The following RAB22A variants were observed in gnomAD, a reference collection of about 807,000 sequenced individuals.
The protein encoded by RAB22A is RAB22A, member RAS oncogene family.
RAB22A carries 13 observed loss-of-function variants against 30.2 expected under a neutral mutation model. The observed-to-expected ratio is 0.43, with a 90% CI of 0.28 to 0.68. The LOEUF (loss-of-function observed/expected upper bound fraction) is 0.68, where lower values mean the gene tolerates loss of function less well. Among genes scored for constraint, RAB22A ranks in the 30% least tolerant of loss-of-function variants. The probability of loss-of-function intolerance (pLI) is 0.18; values close to 1 mark genes in which losing one functional copy is unlikely to be tolerated. For missense variants in RAB22A, 177 were observed against 246.8 expected (o/e 0.72, Z 1.89); for synonymous variants, 89 against 87.2 (o/e 1.02, Z -0.11).
chr20:58,359,243 G>C (rs753806424), intron 6 of RAB22A, among the ~76,000 whole-genome samples: 1 of 152,112 alleles, frequency 6.6e-6, no homozygotes, highest in East Asian at 1.9e-4. Context: ...ATTAAAAAAC[G>C]TTTACTAAGT....
At chr20:58,353,783 T>C (rs1987091613) in intron 5 of RAB22A, among the ~76,000 whole-genome samples, 1 of 152,220 alleles carries the variant, frequency 6.6e-6, no homozygotes, top group Admixed American at 6.5e-5. Flanking sequence ...TCCAACATTA[T>C]CTGAGATCAG....
rs776367959 is a variant in RAB22A at position 58,359,674 on chromosome 20, C to A, written c.556C>A (p.Pro186Thr). The A allele has an allele frequency of 1.9e-6, 3 of 1,611,998 alleles. No homozygotes were observed. The highest frequency in any genetic ancestry group is 2.5e-6 in the Non-Finnish European group (3 of 1,178,310). Residue 186 changes from proline (P) to threonine (T), a missense_variant, in exon 7 of 7, where the codon CCT becomes ACT. By Grantham distance (38) the Pro-to-Thr change is conservative (BLOSUM62 -1). Transcript: ENST00000244040. ...TAAGGGCTTCAAACTCCGAAGACAG[C>A]CTTCAGAGCCAAAGCGGAGCTGCTG... is the stretch of plus-strand genomic sequence containing the variant. ...GGKGFKLRRQPSEPKRSCC is the reference protein window; with the variant it reads ...GGKGFKLRRQTSEPKRSCC
chr20:58,329,665 G>C lies in RAB22A; in HGVS notation c.117-14053G>C, dbSNP rs891732982. On this transcript the variant is annotated intron_variant, in intron 2 of 6. Transcript: ENST00000244040. ...AATTTGGGACATTTGCATCCAAATTGTTTTAAGTATCTGTTTTGCACCATT... is the reference window on the plus strand; with the variant it reads ...AATTTGGGACATTTGCATCCAAATTCTTTTAAGTATCTGTTTTGCACCATT... 2.6e-5 allele frequency among the ~76,000 whole-genome samples: 4 copies of C among 152,140 alleles called. No homozygotes were observed. In the South Asian group the frequency reaches 8.3e-4, roughly 31 times the overall value.
Position 58,359,646 on chromosome 20 carries a change from C to A in RAB22A, c.528C>A (p.Gly176=), listed in dbSNP as rs758247390. 5 of 1,612,698 alleles carry A rather than the reference C, an allele frequency of 3.1e-6. No individual in the cohort carries two copies. Among genetic ancestry groups the A allele is most frequent in the Non-Finnish European group, 3.4e-6 (4 of 1,178,914 alleles). Residue 176 remains glycine, a synonymous_variant, in exon 7 of 7, where the codon GGC becomes GGA. Coordinates refer to ENST00000244040, the MANE Select transcript of RAB22A (RefSeq NM_020673.3). ...CCACTGACGCCAACCTGCCATCTGG[C>A]GGTAAGGGCTTCAAACTCCGAAGAC... ...IPSTDANLPS[G]GKGFKLRRQP...
At chr20:58,339,210 A>G (rs902094993) in intron 2 of RAB22A, among the ~76,000 whole-genome samples, 1 of 152,266 alleles carries the variant, frequency 6.6e-6, no homozygotes, top group Non-Finnish European at 1.5e-5. Flanking sequence ...ATGGAGAAGT[A>G]TATGAAAAGC....
At chr20:58,323,001 C>T (rs745665084) in intron 2 of RAB22A, among the ~76,000 whole-genome samples, 4 of 152,142 alleles carry the variant, frequency 2.6e-5, no homozygotes, top group Non-Finnish European at 4.4e-5. Context: ...CACACCAACA[C>T]GCTAATCCCT....
chr20:58,333,633 C>A (rs1298626465), intron 2 of RAB22A, among the ~76,000 whole-genome samples: 1 of 152,122 alleles, frequency 6.6e-6, no homozygotes, highest in Non-Finnish European at 1.5e-5. Context: ...CAGAGTCTTA[C>A]ATTGTTCATG....
chr20:58,310,041 GC>G, intron 1 of RAB22A, 29 bp downstream of exon 1: 1 of 1,263,574 alleles, frequency 7.9e-7, no homozygotes, highest in South Asian at 3.5e-5. Flanking sequence ...GGCCGGGAGG[GC>G]CACGGGAGGC....
chr20:58,365,115 C>G lies in RAB22A; in HGVS notation c.*5412C>G, dbSNP rs1436311344. 1 of 152,180 alleles carries G rather than the reference C, an allele frequency of 6.6e-6. No individual in the cohort carries two copies. The highest frequency in any genetic ancestry group is 1.9e-4 in the East Asian group (1 of 5,198). 9.4% of individuals were successfully genotyped at this position (152,180 alleles called of 1,614,324 possible). A position where few individuals can be genotyped will look rare whatever the true frequency, so the allele number is the denominator to read the frequency against. ...TAATATTATAACAAACAAAACATGC[C>G]AGTTTTACTGATTCCGCTTTTTGCT... On this transcript the variant is annotated 3_prime_UTR_variant, in exon 7 of 7. Coordinates refer to ENST00000244040, the MANE Select transcript of RAB22A (RefSeq NM_020673.3).
intron 2 of RAB22A, among the ~76,000 whole-genome samples, chr20:58,330,939 T>C (rs1260445618): frequency 1.3e-5 from 2 of 152,252 alleles, no homozygotes; most frequent in African/African-American, 2.4e-5. Flanking sequence ...AGTCTGTGTA[T>C]GGATTTGCAG....
rs199602637 is a variant in RAB22A at position 58,328,831 on chromosome 20, C to CA, written c.117-14879dup. Among the ~76,000 whole-genome samples the CA allele has an allele frequency of 3.2e-3, 482 of 151,476 alleles. 6 individuals are homozygous for CA. In the South Asian group the frequency reaches 0.033, roughly 11 times the overall value. On this transcript the variant is annotated intron_variant, in intron 2 of 6. Coordinates refer to ENST00000244040, the MANE Select transcript of RAB22A (RefSeq NM_020673.3). ...GCAACTCTTGGGCTAAATAATTGTT[C>CA]AAAAAAAAGAACAGGAAGAAAGGAG...
At chr20:58,329,257 G>A (rs1202066779) in intron 2 of RAB22A, among the ~76,000 whole-genome samples, 2 of 152,234 alleles carry the variant, frequency 1.3e-5, no homozygotes, top group Non-Finnish European at 2.9e-5. Flanking sequence ...GTTTCACCAT[G>A]TTAGCCAGGA....
intron 3 of RAB22A, chr20:58,345,981 C>T (rs1160497166): frequency 6.6e-6 from 1 of 152,546 alleles, no homozygotes; most frequent in East Asian, 1.9e-4. Context: ...TGCTCTCGGA[C>T]AAGTAACCAC....
intron 2 of RAB22A, among the ~76,000 whole-genome samples, chr20:58,323,711 C>T (rs992394548): frequency 1.3e-5 from 2 of 149,528 alleles, no homozygotes; most frequent in Non-Finnish European, 3.0e-5. Context: ...CTCAAGTGAT[C>T]CTCCTGCCTC....
chr20:58,332,224 C>T (rs1395284028), intron 2 of RAB22A, among the ~76,000 whole-genome samples: 1 of 152,150 alleles, frequency 6.6e-6, no homozygotes, highest in Non-Finnish European at 1.5e-5. Context: ...CCTAAATAAA[C>T]TAAACTTCAA....
intron 1 of RAB22A, 28 bp from the exon 2 acceptor site, chr20:58,311,015 C>G (rs997753013): frequency 6.4e-6 from 10 of 1,553,812 alleles, no homozygotes; most frequent in Non-Finnish European, 8.9e-7. Flanking sequence ...TAAACTTTTT[C>G]TCAGTCCCTC....
intron 2 of RAB22A, among the ~76,000 whole-genome samples, chr20:58,336,545 G>C (rs1266499102): frequency 1.3e-5 from 2 of 152,102 alleles, no homozygotes; most frequent in Non-Finnish European, 2.9e-5. Flanking sequence ...AATAAAACTA[G>C]TTCATGAAAC....
chr20:58,323,028 G>C (rs1006704860), intron 2 of RAB22A, among the ~76,000 whole-genome samples: 1 of 151,996 alleles, frequency 6.6e-6, no homozygotes, highest in Admixed American at 6.6e-5. Flanking sequence ...TTTTTGATTG[G>C]CCTTGTGTTG....
chr20:58,351,106 A>G (rs997132460), intron 3 of RAB22A, among the ~76,000 whole-genome samples: 4 of 151,988 alleles, frequency 2.6e-5, no homozygotes, highest in Non-Finnish European at 2.9e-5. Context: ...TTGAAAGGCC[A>G]CGACAGGTAG....
Sources: allele counts gnomAD v4.1 joint callset (sites outside exome capture counted in the v4.1 genomes callset), GRCh38; gene constraint gnomAD v4.1.1; transcripts MANE v1.5; gene names NCBI Gene and HGNC (gene_info 2026-07-23, HGNC 2026-07-21).